CDH13: variants seen among roughly 807,000 people sequenced by gnomAD.
The protein encoded by CDH13 is cadherin 13.
A neutral mutation model predicts 63.8 loss-of-function variants in CDH13; 24 were observed. That is an observed-to-expected ratio of 0.38 (90% confidence interval 0.27 to 0.53). CDH13 has a LOEUF of 0.53. Ranked by LOEUF, CDH13 falls within the 20% of genes least tolerant of loss-of-function variation. The pLI is 0.85. For synonymous variants in CDH13, 503 were observed against 355.3 expected (o/e 1.42, Z -4.67); for missense variants, 1,049 against 903.1 (o/e 1.16, Z -2.07).
chr16:83,192,147 G>C (rs1343964189), intron 4 of CDH13, among the ~76,000 whole-genome samples: 12 of 152,172 alleles, frequency 7.9e-5, no homozygotes, highest in African/African-American at 2.7e-4. Context: ...TCAAGCAAGA[G>C]CCGTTCCTTT....
At chr16:83,664,395 A>G (rs900922015) in intron 8 of CDH13, among the ~76,000 whole-genome samples, 2 of 152,068 alleles carry the variant, frequency 1.3e-5, no homozygotes, top group African/African-American at 4.8e-5. Flanking sequence ...TCTGTTATTA[A>G]TCTGTTCTGA....
At position 83,589,782 on chromosome 16, in the gene CDH13, G is replaced by A. The variant is rs149289485; in HGVS notation, c.961-12672G>A. 2.8e-3 allele frequency among the ~76,000 whole-genome samples: 424 copies of A among 152,206 alleles called. 7 individuals carry two copies. The highest frequency in any genetic ancestry group is 1.5e-3 in the African/African-American group (64 of 41,560). The stretch of plus-strand genomic sequence containing the variant: ...CTCAACCAAGAGAGAAACACTCACC[G>A]TGCCATACAGCCAGGGCTAATGCAG... On this transcript the variant is annotated intron_variant, in intron 7 of 13. Coordinates refer to ENST00000567109, the MANE Select transcript of CDH13 (RefSeq NM_001257.5).
intron 8 of CDH13, among the ~76,000 whole-genome samples, chr16:83,660,962 T>C (rs1222656095): frequency 6.6e-6 from 1 of 152,182 alleles, no homozygotes; most frequent in Non-Finnish European, 1.5e-5. Context: ...GCTCTTTGGT[T>C]TTTATTTTTC....
chr16:83,106,447 A>C (rs920139362), intron 3 of CDH13, among the ~76,000 whole-genome samples: 1 of 152,236 alleles, frequency 6.6e-6, no homozygotes, highest in Non-Finnish European at 1.5e-5. Context: ...AGGCTGAGGC[A>C]GGAGAATAAC....
intron 1 of CDH13, among the ~76,000 whole-genome samples, chr16:82,838,667 G>C (rs2038874130): frequency 6.6e-6 from 1 of 152,186 alleles, no homozygotes; most frequent in South Asian, 2.1e-4. Context: ...TGCTTAAGAA[G>C]TTGATGGTTT....
At chr16:82,862,904 C>G (rs1293345117) in intron 2 of CDH13, among the ~76,000 whole-genome samples, 1 of 152,230 alleles carries the variant, frequency 6.6e-6, no homozygotes, top group African/African-American at 2.4e-5. Context: ...CATCTTGTAG[C>G]TTCCAGCTTT....
chr16:82,730,179 C>G (rs1380490801), intron 1 of CDH13, among the ~76,000 whole-genome samples: 1 of 152,162 alleles, frequency 6.6e-6, no homozygotes, highest in East Asian at 1.9e-4. Flanking sequence ...CATTCAAGAG[C>G]TTTCTTTTGC....
chr16:83,072,625 A>G (rs2032521671), intron 3 of CDH13, among the ~76,000 whole-genome samples: 1 of 152,168 alleles, frequency 6.6e-6, no homozygotes, highest in South Asian at 2.1e-4. Context: ...CAGCTGTGTG[A>G]TCTTAGGTGT....
At chr16:82,990,806 A>T (rs1302190964) in intron 2 of CDH13, among the ~76,000 whole-genome samples, 1 of 152,086 alleles carries the variant, frequency 6.6e-6, no homozygotes, top group Non-Finnish European at 1.5e-5. Flanking sequence ...CCTCCAAAGT[A>T]CTGGGATTAC....
intron 5 of CDH13, among the ~76,000 whole-genome samples, chr16:83,297,976 C>G (rs551606644): frequency 6.8e-6 from 1 of 147,910 alleles, no homozygotes; most frequent in African/African-American, 2.5e-5. Flanking sequence ...TTTAGGAGGC[C>G]GAGGCAGGAG....
At chr16:82,962,766 G>A (rs549343224) in intron 2 of CDH13, among the ~76,000 whole-genome samples, 75 of 152,264 alleles carry the variant, frequency 4.9e-4, no homozygotes, top group African/African-American at 1.8e-3. Context: ...AGATCTCAAG[G>A]TGTCAGTATC....
chr16:83,503,997 C>G (rs8060507), intron 7 of CDH13, among the ~76,000 whole-genome samples: 76,765 of 151,464 alleles, frequency 0.51, 20,414 homozygotes, highest in East Asian at 0.83. Flanking sequence ...GACAGATGCC[C>G]AATGCATGTG....
chr16:83,064,868 A>G (rs2031867787), intron 3 of CDH13, among the ~76,000 whole-genome samples: 1 of 152,190 alleles, frequency 6.6e-6, no homozygotes, highest in Non-Finnish European at 1.5e-5. Flanking sequence ...GAGACATTTG[A>G]AATTGACTCT....
At chr16:83,169,702 A>G (rs1401460333) in intron 4 of CDH13, among the ~76,000 whole-genome samples, 6 of 151,978 alleles carry the variant, frequency 3.9e-5, no homozygotes, top group African/African-American at 4.8e-5. Flanking sequence ...TGCCTGTCAT[A>G]TGTTTGTTGC....
At chr16:83,104,424 G>C (rs2034661472) in intron 3 of CDH13, among the ~76,000 whole-genome samples, 2 of 152,158 alleles carry the variant, frequency 1.3e-5, no homozygotes, top group Non-Finnish European at 2.9e-5. Context: ...ACAGAGCAGA[G>C]AGAAGAGAGA....
At chr16:83,236,110 G>C (rs994318695) in intron 5 of CDH13, among the ~76,000 whole-genome samples, 1 of 152,070 alleles carries the variant, frequency 6.6e-6, no homozygotes, top group Non-Finnish European at 1.5e-5. Flanking sequence ...CAAAGTATGT[G>C]GACGCTCTAC....
At chr16:83,105,935 G>A (rs1421498197) in intron 3 of CDH13, among the ~76,000 whole-genome samples, 1 of 152,220 alleles carries the variant, frequency 6.6e-6, no homozygotes, top group East Asian at 1.9e-4. Flanking sequence ...ATGAGACAGT[G>A]TGGCATGTTT....
chr16:83,443,781 G>GAGAGCA (rs2072572394), intron 6 of CDH13, among the ~76,000 whole-genome samples: 1 of 138,446 alleles, frequency 7.2e-6, no homozygotes, highest in Non-Finnish European at 1.6e-5. Flanking sequence ...AAGAGAGAGC[G>GAGAGCA]AGAGCAAGCC....
chr16:82,854,899 C>A (rs1413410910), intron 1 of CDH13, among the ~76,000 whole-genome samples: 9 of 152,146 alleles, frequency 5.9e-5, no homozygotes, highest in Admixed American at 5.9e-4. Flanking sequence ...TCCTGTGTGG[C>A]ACCTTTCTCA....
Sources: allele counts gnomAD v4.1 joint callset (sites outside exome capture counted in the v4.1 genomes callset), GRCh38; gene constraint gnomAD v4.1.1; transcripts MANE v1.5; gene names NCBI Gene and HGNC (gene_info 2026-07-23, HGNC 2026-07-21).